The following BCKDHB variants were observed in gnomAD, a reference collection of about 807,000 sequenced individuals.
BCKDHB encodes the protein 2-oxoisovalerate dehydrogenase subunit beta, mitochondrial.
A neutral mutation model predicts 48.5 loss-of-function variants in BCKDHB; 41 were observed. The ratio of observed to expected loss-of-function variants is 0.85; its 90% confidence interval spans 0.66 to 1.10. The LOEUF is 1.10. Ranked by LOEUF, BCKDHB falls within the 50% of genes least tolerant of loss-of-function variation. The pLI, the probability that BCKDHB is intolerant of heterozygous loss-of-function variation, is 0.00. For missense variants in BCKDHB, 496 were observed against 494.2 expected (o/e 1.00, Z -0.03); for synonymous variants, 201 against 174.8 (o/e 1.15, Z -1.18).
In BCKDHB at chr6:80,189,824, A is replaced by T. The variant is rs1158652131; in HGVS notation, c.743-11110A>T. On this transcript the variant is annotated intron_variant, in intron 6 of 9. Transcript: ENST00000320393. Reference sequence around the variant, plus strand: ...TAATATATATTTTAGAACATTTATTAATTTTATTAATACCCTTTCAGCATC... The same window carrying T: ...TAATATATATTTTAGAACATTTATTTATTTTATTAATACCCTTTCAGCATC... Among the ~76,000 whole-genome samples the T allele has an allele frequency of 2.0e-5, 3 of 152,132 alleles. No homozygotes were observed. In the East Asian group the frequency reaches 5.8e-4, roughly 29 times the overall value.
chr6:80,458,046 C>CTATT, the BCKDHB span, among the ~76,000 whole-genome samples: 1 of 152,182 alleles, frequency 6.6e-6, no homozygotes, highest in Non-Finnish European at 1.5e-5. Context: ...AAGCAGGGAA[C>CTATT]TATTCTCTTT....
At chr6:80,318,782 A>G (rs1768571511) in intron 9 of BCKDHB, among the ~76,000 whole-genome samples, 1 of 151,986 alleles carries the variant, frequency 6.6e-6, no homozygotes, top group Non-Finnish European at 1.5e-5. Context: ...TAGGCAACAC[A>G]GTGTAACAAT....
chr6:80,354,126 T>TG, the BCKDHB span, among the ~76,000 whole-genome samples: 1 of 152,222 alleles, frequency 6.6e-6, no homozygotes, highest in East Asian at 1.9e-4. Flanking sequence ...GTTCTCTCAC[T>TG]ATGCAGGTTT....
intron 8 of BCKDHB, among the ~76,000 whole-genome samples, chr6:80,247,749 G>T (rs990046126): frequency 6.6e-6 from 1 of 152,160 alleles, no homozygotes; most frequent in Non-Finnish European, 1.5e-5. Context: ...GGTGACCCCT[G>T]TTCAGTCCAG....
the BCKDHB span, among the ~76,000 whole-genome samples, chr6:80,442,550 G>A: frequency 6.6e-6 from 1 of 152,116 alleles, no homozygotes; most frequent in Non-Finnish European, 1.5e-5. Context: ...GCTTAGCCAT[G>A]AGAATGGAAT....
intron 1 of BCKDHB, among the ~76,000 whole-genome samples, chr6:80,108,071 A>C (rs1297174684): frequency 6.6e-6 from 1 of 152,154 alleles, no homozygotes; most frequent in African/African-American, 2.4e-5. Flanking sequence ...CAACCTTAAA[A>C]GGTTAGTAAA....
At chr6:80,422,650 G>A in the BCKDHB span, among the ~76,000 whole-genome samples, 2 of 152,218 alleles carry the variant, frequency 1.3e-5, no homozygotes, top group Admixed American at 1.3e-4. Flanking sequence ...TGCCATGGAT[G>A]TGAGACATGG....
the BCKDHB span, among the ~76,000 whole-genome samples, chr6:80,466,638 T>C: frequency 6.6e-6 from 1 of 152,222 alleles, no homozygotes. Context: ...ACCATTTTTA[T>C]TTGTCAACCA....
At chr6:80,450,890 A>G in the BCKDHB span, among the ~76,000 whole-genome samples, 1 of 152,228 alleles carries the variant, frequency 6.6e-6, no homozygotes, top group Non-Finnish European at 1.5e-5. Flanking sequence ...GAGATACATA[A>G]CATTAATAAT....
At chr6:80,215,257 A>G (rs573649840) in intron 8 of BCKDHB, among the ~76,000 whole-genome samples, 15 of 152,336 alleles carry the variant, frequency 9.8e-5, no homozygotes, top group Non-Finnish European at 2.1e-4. Flanking sequence ...CTCTGTTCCA[A>G]AACAGGATGG....
At chr6:80,312,882 T>TA (rs926540512) in intron 9 of BCKDHB, among the ~76,000 whole-genome samples, 11 of 152,294 alleles carry the variant, frequency 7.2e-5, no homozygotes, top group South Asian at 2.1e-4. Flanking sequence ...GATATTGGCC[T>TA]AAAGTTTTTT....
chr6:80,122,630 G>T (rs548666290), intron 1 of BCKDHB, among the ~76,000 whole-genome samples: 174 of 152,264 alleles, frequency 1.1e-3, no homozygotes, highest in Non-Finnish European at 1.8e-3. Context: ...ATTGGAGGGG[G>T]TTTAAAACAG....
intron 3 of BCKDHB, among the ~76,000 whole-genome samples, chr6:80,157,717 GATCC>G (rs1226897112): frequency 6.6e-6 from 1 of 151,448 alleles, no homozygotes; most frequent in African/African-American, 2.4e-5. Context: ...GACCTCAGGT[GATCC>G]GCCCACCTCG....
intron 1 of BCKDHB, among the ~76,000 whole-genome samples, chr6:80,108,246 A>G (rs566961613): frequency 6.6e-6 from 1 of 151,394 alleles, no homozygotes; most frequent in East Asian, 2.0e-4. Flanking sequence ...TGTAGATATA[A>G]TTTACTTGGA....
At chr6:80,239,300 G>T (rs918658005) in intron 8 of BCKDHB, among the ~76,000 whole-genome samples, 1 of 152,138 alleles carries the variant, frequency 6.6e-6, no homozygotes. Context: ...ATTCTAACTG[G>T]TGTGAGATGA....
intron 9 of BCKDHB, among the ~76,000 whole-genome samples, chr6:80,319,687 T>C (rs1193583011): frequency 4.6e-5 from 7 of 152,216 alleles, no homozygotes; most frequent in Non-Finnish European, 5.9e-5. Context: ...TCCAATAAGA[T>C]AATTTATAAT....
At chr6:80,259,383 G>A (rs1266170700) in intron 8 of BCKDHB, among the ~76,000 whole-genome samples, 1 of 152,180 alleles carries the variant, frequency 6.6e-6, no homozygotes, top group Non-Finnish European at 1.5e-5. Flanking sequence ...GCATCATAAA[G>A]TAGTAGGACC....
At chr6:80,177,078 G>A (rs555083468) in intron 6 of BCKDHB, among the ~76,000 whole-genome samples, 1 of 151,586 alleles carries the variant, frequency 6.6e-6, no homozygotes, top group Admixed American at 6.6e-5. Context: ...AATGCAAAAT[G>A]TAGCCAGGTG....
chr6:80,305,768 C>T (rs951129399), intron 9 of BCKDHB, among the ~76,000 whole-genome samples: 32 of 152,174 alleles, frequency 2.1e-4, no homozygotes, highest in Middle Eastern at 3.2e-3. Context: ...CCTGTTCTGC[C>T]TCTCACCTAC....
Sources: allele counts gnomAD v4.1 joint callset (sites outside exome capture counted in the v4.1 genomes callset), GRCh38; gene constraint gnomAD v4.1.1; transcripts MANE v1.5; gene names NCBI Gene and HGNC (gene_info 2026-07-23, HGNC 2026-07-21).